Variants in ELAVL4 observed in about 807,000 individuals in gnomAD.
ELAVL4 encodes ELAV-like protein 4.
In ELAVL4, 1 loss-of-function variant was observed where a neutral mutation model predicts 35.6. The observed-to-expected ratio is 0.03, with a 90% CI of 0.01 to 0.13. The LOEUF is 0.13. Ranked by LOEUF, ELAVL4 falls within the 10% of genes least tolerant of loss-of-function variation. The pLI is 1.00. For synonymous variants in ELAVL4, 156 were observed against 171.0 expected (o/e 0.91, Z 0.69); for missense variants, 267 against 464.9 (o/e 0.57, Z 3.91).
upstream of ELAVL4, among the ~76,000 whole-genome samples, chr1:50,104,273 C>G (rs370575928): frequency 2.0e-5 from 3 of 152,196 alleles, no homozygotes; most frequent in East Asian, 5.8e-4. Flanking sequence ...TAAATTAGCA[C>G]CAAGGCAAGA....
intron 2 of ELAVL4, among the ~76,000 whole-genome samples, chr1:50,156,452 T>C (rs1372288306): frequency 6.6e-6 from 1 of 152,106 alleles, no homozygotes; most frequent in Non-Finnish European, 1.5e-5. Context: ...GGCCAACAGA[T>C]GGATAAAGGG....
intron 1 of ELAVL4, among the ~76,000 whole-genome samples, chr1:50,080,510 A>G (rs75174538): frequency 0.068 from 10,321 of 152,202 alleles, 1,093 homozygotes; most frequent in African/African-American, 0.23. Context: ...TCTCAAATAT[A>G]TATGTGTATA....
At chr1:50,194,292 T>C (rs1216338092) in intron 4 of ELAVL4, among the ~76,000 whole-genome samples, 3 of 152,200 alleles carry the variant, frequency 2.0e-5, no homozygotes, top group Non-Finnish European at 4.4e-5. Flanking sequence ...CTCCAATTCA[T>C]AGCATTATAG....
chr1:50,152,025 G>C (rs1176195312), intron 2 of ELAVL4, among the ~76,000 whole-genome samples: 1 of 151,520 alleles, frequency 6.6e-6, no homozygotes, highest in Non-Finnish European at 1.5e-5. Flanking sequence ...GGGAATCAGA[G>C]ACTTTCCATC....
chr1:50,156,031 GCACA>G lies in ELAVL4; in HGVS notation c.250+10851_250+10854del, dbSNP rs151228970. On this transcript the variant is annotated intron_variant, in intron 2 of 6. Coordinates refer to ENST00000371824, the MANE Select transcript of ELAVL4 (RefSeq NM_001144774.3). ...GGCATGCATGTGCGTGCACAGGCAC[GCACA>G]CACACACACACACACATCCCCCAAA... 2.6e-4 allele frequency among the ~76,000 whole-genome samples: 39 copies of G among 149,408 alleles called. 1 individual carries two copies. In the South Asian group the frequency reaches 7.4e-3, roughly 28 times the overall value.
At chr1:50,086,630 G>A (rs1165621772) in intron 1 of ELAVL4, among the ~76,000 whole-genome samples, 3 of 151,930 alleles carry the variant, frequency 2.0e-5, no homozygotes, top group African/African-American at 7.2e-5. Context: ...TCTCTGCAAT[G>A]GAATTAATGT....
intron 1 of ELAVL4, among the ~76,000 whole-genome samples, chr1:50,118,767 T>C (rs1668386225): frequency 6.6e-6 from 1 of 151,924 alleles, no homozygotes. Flanking sequence ...GATTCAAGAT[T>C]CAAATTGAAA....
intron 2 of ELAVL4, among the ~76,000 whole-genome samples, chr1:50,156,573 AC>A (rs1675798809): frequency 6.6e-6 from 1 of 152,172 alleles, no homozygotes; most frequent in Non-Finnish European, 1.5e-5. Flanking sequence ...ATGGAAACTT[AC>A]GTTTACTAAG....
At chr1:50,064,905 C>G (rs1664185868) in intron 1 of ELAVL4, among the ~76,000 whole-genome samples, 1 of 152,066 alleles carries the variant, frequency 6.6e-6, no homozygotes, top group Non-Finnish European at 1.5e-5. Context: ...TCCATGAGGG[C>G]AGGGAATATG....
chr1:50,184,398 C>CA (rs33990892), intron 3 of ELAVL4, among the ~76,000 whole-genome samples: 124,644 of 142,080 alleles, frequency 0.88, 56,157 homozygotes, highest in Non-Finnish European at 0.98. Context: ...TGAGCTGCTT[C>CA]AAAAAAAAAA....
intron 1 of ELAVL4, among the ~76,000 whole-genome samples, chr1:50,143,618 T>C (rs1178015214): frequency 6.6e-6 from 1 of 152,172 alleles, no homozygotes; most frequent in Non-Finnish European, 1.5e-5. Flanking sequence ...CTTGCCAAGG[T>C]CACACAGCTA....
intron 1 of ELAVL4, among the ~76,000 whole-genome samples, chr1:50,132,638 T>C (rs1365857081): frequency 2.6e-5 from 4 of 152,152 alleles, no homozygotes; most frequent in South Asian, 4.2e-4. Flanking sequence ...TTTTATTCAT[T>C]TGGGCTCCCA....
At position 50,109,019 on chromosome 1, in the gene ELAVL4, C is replaced by CGGGG; in HGVS notation, c.-171_-170insGGGG. The stretch of plus-strand genomic sequence containing the variant: ...CTTTTCTTTTTTTTCTTTCTCTCCC[C>CGGGG]CGCCCACCCCCCCAAAAATAATTGA... On this transcript the variant is annotated 5_prime_UTR_variant, in exon 1 of 7. Coordinates refer to ENST00000371824, the MANE Select transcript of ELAVL4 (RefSeq NM_001144774.3). 1.9e-6 allele frequency: 1 copy of CGGGG among 531,410 alleles called. No homozygotes were observed. The highest frequency in any genetic ancestry group is 2.3e-6 in the Non-Finnish European group (1 of 427,138). 32.9% of individuals were successfully genotyped at this position (531,410 alleles called of 1,614,324 possible). A position where few individuals can be genotyped will look rare whatever the true frequency, so the allele number is the denominator to read the frequency against.
chr1:50,058,098 G>C (rs753568676), intron 1 of ELAVL4, among the ~76,000 whole-genome samples: 1 of 152,156 alleles, frequency 6.6e-6, no homozygotes, highest in South Asian at 2.1e-4. Flanking sequence ...ACCAGTCCAC[G>C]GGGGGAAGTG....
At chr1:50,114,000 A>C (rs1262309755) in intron 1 of ELAVL4, among the ~76,000 whole-genome samples, 2 of 152,134 alleles carry the variant, frequency 1.3e-5, no homozygotes, top group African/African-American at 2.4e-5. Flanking sequence ...GTTTCTCTTC[A>C]TGACTCCAAG....
intron 1 of ELAVL4, among the ~76,000 whole-genome samples, chr1:50,064,692 G>A (rs563083610): frequency 6.6e-6 from 1 of 152,276 alleles, no homozygotes; most frequent in Admixed American, 6.5e-5. Context: ...TTCCCACAGA[G>A]AATTTCCCAT....
chr1:50,195,852 G>A, intron 5 of ELAVL4, 66 bp downstream of exon 5: 1 of 1,585,182 alleles, frequency 6.3e-7, no homozygotes, highest in Non-Finnish European at 8.6e-7. Context: ...AGCCAGGGAA[G>A]CCCATGGTCC....
intron 1 of ELAVL4, among the ~76,000 whole-genome samples, chr1:50,089,865 G>A (rs1037306326): frequency 6.6e-6 from 1 of 152,212 alleles, no homozygotes; most frequent in Non-Finnish European, 1.5e-5. Context: ...GGGTGGGAAG[G>A]ATAAGGCCAA....
chr1:50,164,124 T>C (rs1677311670), intron 2 of ELAVL4, among the ~76,000 whole-genome samples: 1 of 152,232 alleles, frequency 6.6e-6, no homozygotes, highest in African/African-American at 2.4e-5. Context: ...GCTTGGCCCA[T>C]AATGCGTGCT....
Sources: gnomAD v4.1 joint callset for allele counts (sites outside exome capture counted in the v4.1 genomes callset) on GRCh38, gnomAD v4.1.1 for gene constraint, MANE v1.5 for transcripts, NCBI Gene and HGNC (gene_info 2026-07-23, HGNC 2026-07-21) for gene names.